UNC5D: variants seen among roughly 807,000 people sequenced by gnomAD.
UNC5D encodes netrin receptor UNC5D.
In UNC5D, 39 loss-of-function variants were observed where a neutral mutation model predicts 105.4. The observed-to-expected ratio is 0.37, with a 90% confidence interval of 0.29 to 0.48. The LOEUF is 0.48. UNC5D is among the 20% of genes least tolerant of loss of function. UNC5D has a pLI of 0.98. For missense variants in UNC5D, 991 were observed against 1,202.4 expected (o/e 0.82, Z 2.60); for synonymous variants, 452 against 450.4 (o/e 1.00, Z -0.04).
chr8:35,399,023 T>C (rs1276927865), intron 1 of UNC5D, among the ~76,000 whole-genome samples: 4 of 151,390 alleles, frequency 2.6e-5, no homozygotes, highest in African/African-American at 9.7e-5. Flanking sequence ...CATGCACCTG[T>C]AGTCCCAGCT....
chr8:35,594,520 T>G (rs1314389577), intron 3 of UNC5D, among the ~76,000 whole-genome samples: 1 of 152,134 alleles, frequency 6.6e-6, no homozygotes, highest in African/African-American at 2.4e-5. Flanking sequence ...GCAAAATCTT[T>G]TACATTGAGG....
chr8:35,714,542 C>A (rs1828141225), intron 8 of UNC5D, among the ~76,000 whole-genome samples: 1 of 152,136 alleles, frequency 6.6e-6, no homozygotes, highest in African/African-American at 2.4e-5. Flanking sequence ...TTAAAGCCTG[C>A]CTATTTAGAA....
chr8:35,506,922 T>C (rs1278035964), intron 1 of UNC5D, among the ~76,000 whole-genome samples: 2 of 152,120 alleles, frequency 1.3e-5, no homozygotes, highest in African/African-American at 4.8e-5. Context: ...ATACCGGCCA[T>C]GTTGCTTTAA....
chr8:35,484,579 C>T (rs1336246885), intron 1 of UNC5D, among the ~76,000 whole-genome samples: 3 of 152,088 alleles, frequency 2.0e-5, no homozygotes, highest in African/African-American at 7.2e-5. Flanking sequence ...CATGGCTTCC[C>T]ACTGACATGT....
At chr8:35,589,211 A>G (rs1444445987) in intron 3 of UNC5D, among the ~76,000 whole-genome samples, 2 of 152,122 alleles carry the variant, frequency 1.3e-5, no homozygotes, top group Non-Finnish European at 2.9e-5. Flanking sequence ...TTTATTTAGC[A>G]CTTAATCTGA....
chr8:35,557,767 C>T (rs1423829999), intron 2 of UNC5D, among the ~76,000 whole-genome samples: 2 of 151,924 alleles, frequency 1.3e-5, no homozygotes, highest in Admixed American at 6.6e-5. Flanking sequence ...CTTGTGTGAT[C>T]TCGTAGCAGC....
At chr8:35,378,031 T>C (rs1802800454) in intron 1 of UNC5D, among the ~76,000 whole-genome samples, 1 of 152,124 alleles carries the variant, frequency 6.6e-6, no homozygotes, top group Admixed American at 6.5e-5. Context: ...AGTGATTAGG[T>C]GATTACAAAT....
At chr8:35,520,929 A>C (rs1813420129) in intron 1 of UNC5D, among the ~76,000 whole-genome samples, 1 of 152,172 alleles carries the variant, frequency 6.6e-6, no homozygotes, top group Non-Finnish European at 1.5e-5. Flanking sequence ...TTTGTATAAA[A>C]TACTTCATAA....
intron 1 of UNC5D, among the ~76,000 whole-genome samples, chr8:35,478,439 G>A (rs1810260497): frequency 6.6e-6 from 1 of 152,092 alleles, no homozygotes; most frequent in Admixed American, 6.5e-5. Context: ...TTGTGACATT[G>A]TACATTAATA....
intron 1 of UNC5D, among the ~76,000 whole-genome samples, chr8:35,395,639 C>A (rs1804049200): frequency 6.6e-6 from 1 of 152,156 alleles, no homozygotes. Flanking sequence ...CTAAACTGCT[C>A]AGAACTCACT....
chr8:35,653,500 C>T (rs1318819229), intron 4 of UNC5D, among the ~76,000 whole-genome samples: 1 of 152,152 alleles, frequency 6.6e-6, no homozygotes, highest in East Asian at 1.9e-4. Context: ...GATGCTAATG[C>T]TGTTTGTGGA....
intron 1 of UNC5D, among the ~76,000 whole-genome samples, chr8:35,394,626 A>T (rs1803989034): frequency 6.6e-6 from 1 of 151,986 alleles, no homozygotes; most frequent in Admixed American, 6.6e-5. Context: ...TGGTGAATTT[A>T]TGGTATATAA....
intron 1 of UNC5D, among the ~76,000 whole-genome samples, chr8:35,395,900 C>G (rs1273156014): frequency 6.6e-6 from 1 of 152,164 alleles, no homozygotes; most frequent in Non-Finnish European, 1.5e-5. Flanking sequence ...AGCTGGGGCA[C>G]TGGCACACAG....
chr8:35,703,329 C>T (rs1827336069), intron 7 of UNC5D, among the ~76,000 whole-genome samples: 1 of 152,108 alleles, frequency 6.6e-6, no homozygotes, highest in Non-Finnish European at 1.5e-5. Context: ...GCTTAATCAA[C>T]AGTAGCAACT....
In UNC5D at chr8:35,494,474, C is replaced by T. The variant is rs564634075; in HGVS notation, c.104-54818C>T. ...TGCTACAATATTTTTTGTTACTCCTCGAAAAATCCTATAAGAATGCCAAGT... is the reference window on the plus strand; with the variant it reads ...TGCTACAATATTTTTTGTTACTCCTTGAAAAATCCTATAAGAATGCCAAGT... On this transcript the variant is annotated intron_variant, in intron 1 of 16. Transcript: ENST00000404895. Among the ~76,000 whole-genome samples, 13 of 152,126 alleles carry T rather than the reference C, an allele frequency of 8.5e-5. No homozygotes were observed. The South Asian group carries it at 1.5e-3, about 17-fold the overall frequency.
At chr8:35,726,697 G>A (rs1361155643) in intron 10 of UNC5D, 168 bp downstream of exon 10, 1 of 1,042,884 alleles carries the variant, frequency 9.6e-7, no homozygotes, top group Non-Finnish European at 1.4e-6. Flanking sequence ...CAGAACCAAT[G>A]CTGAGATTAG....
At chr8:35,662,754 C>T (rs530713411) in intron 4 of UNC5D, among the ~76,000 whole-genome samples, 103 of 152,322 alleles carry the variant, frequency 6.8e-4, no homozygotes, top group Middle Eastern at 6.8e-3. Context: ...TTTTACCACT[C>T]AGTTCCTTTA....
At chr8:35,758,909 G>T (rs371699641) in intron 13 of UNC5D, among the ~76,000 whole-genome samples, 14 of 152,208 alleles carry the variant, frequency 9.2e-5, no homozygotes, top group Admixed American at 5.2e-4. Context: ...GAATGGAGGG[G>T]GGCTGTTTTC....
intron 4 of UNC5D, among the ~76,000 whole-genome samples, chr8:35,660,958 C>T (rs549521433): frequency 6.6e-6 from 1 of 152,098 alleles, no homozygotes; most frequent in Non-Finnish European, 1.5e-5. Context: ...ACTAGCTGGG[C>T]ATGGTGGCTT....
Sources: gnomAD v4.1 joint callset for allele counts (sites outside exome capture counted in the v4.1 genomes callset) on GRCh38, gnomAD v4.1.1 for gene constraint, MANE v1.5 for transcripts, NCBI Gene and HGNC (gene_info 2026-07-23, HGNC 2026-07-21) for gene names.